Variants in ABCA10 observed in about 807,000 individuals in gnomAD.
ABCA10 encodes the protein ATP binding cassette subfamily A member 10.
ABCA10 carries 169 observed loss-of-function variants against 187.5 expected under a neutral mutation model. The observed-to-expected ratio is 0.90, with a 90% CI of 0.80 to 1.02. The LOEUF (loss-of-function observed/expected upper bound fraction) is 1.02. Among genes scored for constraint, ABCA10 ranks in the 50% least tolerant of loss-of-function variants. The pLI, the probability that ABCA10 is intolerant of heterozygous loss-of-function variation, is 0.00. For missense variants in ABCA10, 1,727 were observed against 1,812.4 expected (o/e 0.95, Z 0.86); for synonymous variants, 574 against 601.8 (o/e 0.95, Z 0.68).
At chr17:69,232,957 A>G (rs975105775), upstream of ABCA10, 8 of 151,842 alleles carry the variant, frequency 5.3e-5, no homozygotes, top group East Asian at 3.9e-4. Context: ...CTTATATGCT[A>G]TTTGCTTCTT....
chr17:69,182,290 C>A lies in ABCA10; in HGVS notation c.2632G>T (p.Asp878Tyr). Residue 878 changes from aspartate (D) to tyrosine (Y), a missense_variant and splice_region_variant, in exon 22 of 39, where the codon GAT becomes TAT. Transcript: ENST00000690296. ...GAIIVSGDQK[D>Y]YRFSVACNTK... is the part of the protein sequence containing the mutation. Reference sequence around the variant, plus strand: ...TTACACGCAACAGAAAATCTGTAATCCTTGAAAAAAAGTACACAAATATAA... The same window carrying A: ...TTACACGCAACAGAAAATCTGTAATACTTGAAAAAAAGTACACAAATATAA... 1 of 1,516,156 alleles carries A rather than the reference C, an allele frequency of 6.6e-7. No homozygotes were observed. Among genetic ancestry groups the A allele is most frequent in the Middle Eastern group, 1.8e-4 (1 of 5,646 alleles). 93.9% of individuals were successfully genotyped at this position (1,516,156 alleles called of 1,614,324 possible).
Position 69,225,305 on chromosome 17 carries a change from T to A in ABCA10, c.34+20A>T, listed in dbSNP as rs369415486. Reference sequence around the variant, plus strand: ...AATTAAGTCACATAATACTGAAACATTGGTTATTGGACAACACACCTTTCA... The same window carrying A: ...AATTAAGTCACATAATACTGAAACAATGGTTATTGGACAACACACCTTTCA... On this transcript the variant is annotated intron_variant, in intron 3 of 38. Coordinates refer to ENST00000690296, the MANE Select transcript of ABCA10 (RefSeq NM_001377321.1). 6.8e-6 allele frequency: 11 copies of A among 1,611,864 alleles called. No individual in the cohort carries two copies. The South Asian group carries it at 1.2e-4, about 18-fold the overall frequency.
chr17:69,184,527 G>A (rs371626304), intron 20 of ABCA10, among the ~76,000 whole-genome samples: 4 of 152,098 alleles, frequency 2.6e-5, no homozygotes, highest in East Asian at 3.9e-4. Context: ...CCACGGCTGC[G>A]AGACCTGAAG....
At chr17:69,224,268 T>A (rs78122646) in intron 3 of ABCA10, among the ~76,000 whole-genome samples, 1 of 151,996 alleles carries the variant, frequency 6.6e-6, no homozygotes, top group Admixed American at 6.6e-5. Flanking sequence ...AAAAACTAAA[T>A]AAAAGTTTCA....
In ABCA10 at chr17:69,193,160, C is replaced by T. The variant is rs546114873; in HGVS notation, c.1730G>A (p.Arg577Gln). Residue 577 changes from arginine (R) to glutamine (Q), a missense_variant, in exon 15 of 39, where the codon CGA (arginine) becomes CAA (glutamine). Transcript: ENST00000690296. Reference protein sequence around the residue: ...WSLLKEHKVDRLILFSTQFMD... With the variant: ...WSLLKEHKVDQLILFSTQFMD... ...GAATTGGGTACTGAAGAGGATAAGT[C>T]GGTCTACTTTATGCTCCTTCAGGAG... 2.1e-5 allele frequency: 34 copies of T among 1,613,960 alleles called. No individual in the cohort carries two copies. The highest frequency in any genetic ancestry group is 3.3e-4 in the Middle Eastern group (2 of 6,062).
chr17:69,150,227 G>T, intron 36 of ABCA10, 164 bp from the exon 37 acceptor site: 1 of 501,276 alleles, frequency 2.0e-6, no homozygotes, highest in Non-Finnish European at 3.5e-6. Context: ...CATAAAAAAA[G>T]TTATAACAAC....
intron 25 of ABCA10, among the ~76,000 whole-genome samples, chr17:69,165,833 A>G (rs1011496178): frequency 6.6e-6 from 1 of 152,192 alleles, no homozygotes; most frequent in African/African-American, 2.4e-5. Flanking sequence ...TATTGAAAAA[A>G]ATTAAAGAAA....
Position 69,178,132 on chromosome 17 carries a change from A to G in ABCA10, c.2770-2619T>C, listed in dbSNP as rs565179712. ...TTAAAACAGACCAGGAAGCAATATC[A>G]GGCAAGAACCAACAAGTAGCTAAGG... On this transcript the variant is annotated intron_variant, in intron 22 of 38. Transcript: ENST00000690296. Among the ~76,000 whole-genome samples, 8 of 151,590 alleles carry G rather than the reference A, an allele frequency of 5.3e-5. No individual in the cohort carries two copies. The South Asian group carries it at 1.7e-3, about 32-fold the overall frequency.
At chr17:69,232,176 GTTT>G (rs1002186444), upstream of ABCA10, among the ~76,000 whole-genome samples, 2 of 151,858 alleles carry the variant, frequency 1.3e-5, no homozygotes, top group African/African-American at 4.8e-5. Context: ...GTTGGGTCTT[GTTT>G]TTTATTCAAT....
At chr17:69,173,150 T>C (rs924116168) in intron 25 of ABCA10, among the ~76,000 whole-genome samples, 2 of 152,108 alleles carry the variant, frequency 1.3e-5, no homozygotes, top group African/African-American at 4.8e-5. Flanking sequence ...AAAATAAAGA[T>C]CAATGACTAA....
At chr17:69,224,528 T>C (rs1437992636) in intron 3 of ABCA10, among the ~76,000 whole-genome samples, 2 of 152,064 alleles carry the variant, frequency 1.3e-5, no homozygotes, top group Non-Finnish European at 2.9e-5. Context: ...CTAATGGCAG[T>C]AGAGATATAA....
chr17:69,243,075 G>A (rs1173099182), intron 1 of ABCA10, among the ~76,000 whole-genome samples: 2 of 152,170 alleles, frequency 1.3e-5, no homozygotes, highest in Non-Finnish European at 2.9e-5. Flanking sequence ...TGTTAACTGA[G>A]AAACCTAATT....
chr17:69,175,585 C>A, intron 22 of ABCA10, 72 bp from the exon 23 acceptor site: 2 of 1,206,504 alleles, frequency 1.7e-6, no homozygotes, highest in South Asian at 1.6e-5. Flanking sequence ...AGATACGTTT[C>A]CAGGAAATAA....
chr17:69,224,930 T>C (rs2074781335), intron 3 of ABCA10, among the ~76,000 whole-genome samples: 1 of 152,154 alleles, frequency 6.6e-6, no homozygotes, highest in African/African-American at 2.4e-5. Flanking sequence ...CAATCTCAAT[T>C]GAAAATAATT....
intron 18 of ABCA10, among the ~76,000 whole-genome samples, chr17:69,188,905 G>T (rs978236334): frequency 6.6e-6 from 1 of 152,102 alleles, no homozygotes; most frequent in East Asian, 1.9e-4. Flanking sequence ...TAGTGTACAT[G>T]TAACACCTTT....
intron 25 of ABCA10, among the ~76,000 whole-genome samples, chr17:69,167,452 G>T (rs543805454): frequency 6.6e-6 from 1 of 152,304 alleles, no homozygotes; most frequent in South Asian, 2.1e-4. Context: ...GAAGAAAATT[G>T]TGTCCAGATG....
At chr17:69,164,323 C>T (rs2074240356) in intron 26 of ABCA10, among the ~76,000 whole-genome samples, 169 bp from the exon 27 acceptor site, 1 of 152,136 alleles carries the variant, frequency 6.6e-6, no homozygotes, top group African/African-American at 2.4e-5. Context: ...GATGACCTGA[C>T]ATCTTTCCTT....
At chr17:69,216,152 CATT>C in intron 7 of ABCA10, 62 bp downstream of exon 7, 2 of 1,552,356 alleles carry the variant, frequency 1.3e-6, no homozygotes, top group Non-Finnish European at 1.7e-6. Flanking sequence ...CCCAAAGAAA[CATT>C]ATTTGCTCAT....
At chr17:69,163,969 A>T in intron 27 of ABCA10, 105 bp downstream of exon 27, 1 of 775,754 alleles carries the variant, frequency 1.3e-6, no homozygotes. Context: ...AAATACAGAA[A>T]GAGTGGGTAT....
Sources: gnomAD v4.1 joint callset for allele counts (sites outside exome capture counted in the v4.1 genomes callset) on GRCh38, gnomAD v4.1.1 for gene constraint, MANE v1.5 for transcripts, NCBI Gene and HGNC (gene_info 2026-07-23, HGNC 2026-07-21) for gene names.